The following LRP1B variants were observed in gnomAD, a reference collection of about 807,000 sequenced individuals.
LRP1B encodes LDL receptor related protein 1B.
In LRP1B, 217 loss-of-function variants were observed where a neutral mutation model predicts 556.6. The observed-to-expected ratio is 0.39, with a 90% CI of 0.35 to 0.44. The LOEUF (loss-of-function observed/expected upper bound fraction) is 0.44. LRP1B is among the 20% of genes least tolerant of loss of function. The probability of loss-of-function intolerance (pLI) is 1.00; values close to 1 mark genes in which losing one functional copy is unlikely to be tolerated. For synonymous variants in LRP1B, 2,047 were observed against 1,865.8 expected (o/e 1.10, Z -2.50); for missense variants, 5,053 against 5,620.8 (o/e 0.90, Z 3.23).
chr2:141,100,138 T>C (rs1453404547), intron 7 of LRP1B, among the ~76,000 whole-genome samples: 1 of 152,144 alleles, frequency 6.6e-6, no homozygotes, highest in African/African-American at 2.4e-5. Flanking sequence ...TGACAAGATG[T>C]GAAACCTAAT....
intron 3 of LRP1B, among the ~76,000 whole-genome samples, chr2:141,380,847 A>G (rs1389488714): frequency 6.6e-6 from 1 of 152,094 alleles, no homozygotes; most frequent in Non-Finnish European, 1.5e-5. Flanking sequence ...TAGTCTCTTG[A>G]GGACAAGTAA....
intron 18 of LRP1B, among the ~76,000 whole-genome samples, chr2:140,976,384 C>T (rs1274483953): frequency 1.3e-5 from 2 of 150,128 alleles, no homozygotes; most frequent in Non-Finnish European, 3.0e-5. Context: ...GTACAAGAGA[C>T]AAAATCCTAC....
intron 6 of LRP1B, among the ~76,000 whole-genome samples, chr2:141,204,588 G>T (rs11895588): frequency 0.12 from 18,272 of 152,100 alleles, 1,969 homozygotes; most frequent in African/African-American, 0.29. Context: ...TTGAGATGAG[G>T]AAAGGAGAAC....
At chr2:141,491,253 T>A (rs1359161176) in intron 2 of LRP1B, among the ~76,000 whole-genome samples, 1 of 152,146 alleles carries the variant, frequency 6.6e-6, no homozygotes, top group Non-Finnish European at 1.5e-5. Flanking sequence ...GCTCTTCAAT[T>A]TTCAATTTTT....
At chr2:141,363,311 G>A (rs1205901450) in intron 3 of LRP1B, among the ~76,000 whole-genome samples, 1 of 152,136 alleles carries the variant, frequency 6.6e-6, no homozygotes, top group Non-Finnish European at 1.5e-5. Context: ...TTTCTAAGCT[G>A]AGCTTTAGAA....
chr2:140,550,743 G>T (rs1479900631), intron 43 of LRP1B, among the ~76,000 whole-genome samples: 2 of 152,056 alleles, frequency 1.3e-5, no homozygotes, highest in Non-Finnish European at 2.9e-5. Flanking sequence ...TTCTCGTTTG[G>T]ATTTCTTTAG....
chr2:140,312,630 A>G (rs142220129), intron 83 of LRP1B, among the ~76,000 whole-genome samples: 1 of 152,040 alleles, frequency 6.6e-6, no homozygotes, highest in African/African-American at 2.4e-5. Flanking sequence ...TTATTTTGTC[A>G]AAAGCAAATT....
chr2:140,923,617 G>A (rs1267583807), intron 20 of LRP1B, among the ~76,000 whole-genome samples: 1 of 151,878 alleles, frequency 6.6e-6, no homozygotes, highest in Non-Finnish European at 1.5e-5. Context: ...AAACTAGTAA[G>A]TACTTTCTAA....
At chr2:141,291,021 A>G (rs142922170) in intron 3 of LRP1B, among the ~76,000 whole-genome samples, 270 of 152,216 alleles carry the variant, frequency 1.8e-3, no homozygotes, top group African/African-American at 6.1e-3. Context: ...TCTCATTTCT[A>G]AGGGAAAAAA....
intron 18 of LRP1B, among the ~76,000 whole-genome samples, chr2:140,978,443 A>G (rs1290730259): frequency 6.6e-6 from 1 of 152,218 alleles, no homozygotes. Flanking sequence ...TGATTGCAGC[A>G]TCTTCTGGTA....
At chr2:141,116,079 G>T (rs1350613132) in intron 7 of LRP1B, among the ~76,000 whole-genome samples, 3 of 151,950 alleles carry the variant, frequency 2.0e-5, no homozygotes, top group African/African-American at 4.8e-5. Context: ...CTTATTTAAA[G>T]AATGAGTTCT....
chr2:140,609,876 T>A (rs1037898906), intron 41 of LRP1B, among the ~76,000 whole-genome samples: 2 of 152,132 alleles, frequency 1.3e-5, no homozygotes, highest in African/African-American at 2.4e-5. Flanking sequence ...ATGTATCATA[T>A]CTTTGTCCTG....
intron 41 of LRP1B, 26 bp downstream of exon 41, chr2:140,700,224 A>T: frequency 6.3e-7 from 1 of 1,579,842 alleles, no homozygotes; most frequent in Non-Finnish European, 8.7e-7. Flanking sequence ...ATTTCCACCT[A>T]TTTAAAATTG....
At chr2:140,286,677 C>G (rs949583521) in intron 84 of LRP1B, among the ~76,000 whole-genome samples, 4 of 151,816 alleles carry the variant, frequency 2.6e-5, no homozygotes, top group African/African-American at 9.7e-5. Context: ...TGCAAAAGTT[C>G]ATTCTAAATT....
At chr2:140,291,467 C>T (rs1233753405) in intron 84 of LRP1B, among the ~76,000 whole-genome samples, 1 of 151,378 alleles carries the variant, frequency 6.6e-6, no homozygotes, top group East Asian at 2.0e-4. Flanking sequence ...TCACTCCCCC[C>T]ACCCCACAAC....
chr2:141,999,009 T>C (rs1702581968), intron 1 of LRP1B, among the ~76,000 whole-genome samples: 1 of 152,222 alleles, frequency 6.6e-6, no homozygotes, highest in Admixed American at 6.5e-5. Flanking sequence ...GAGACAGCTT[T>C]GTCGGCCATT....
intron 1 of LRP1B, among the ~76,000 whole-genome samples, chr2:142,035,296 T>C (rs950808143): frequency 1.8e-4 from 27 of 151,770 alleles, no homozygotes; most frequent in African/African-American, 6.5e-4. Flanking sequence ...AGAAACACTA[T>C]GGCGATACTC....
chr2:141,260,268 T>A (rs184033090), intron 3 of LRP1B, among the ~76,000 whole-genome samples: 3 of 152,220 alleles, frequency 2.0e-5, no homozygotes, highest in Admixed American at 6.5e-5. Context: ...TACATCCACA[T>A]TGAATTTGCT....
At chr2:141,792,248 A>G (rs1397453246) in intron 2 of LRP1B, among the ~76,000 whole-genome samples, 1 of 152,012 alleles carries the variant, frequency 6.6e-6, no homozygotes, top group Non-Finnish European at 1.5e-5. Flanking sequence ...AACTAAGAAC[A>G]ATAAAAAAGA....
Sources: gnomAD v4.1 joint callset for allele counts (sites outside exome capture counted in the v4.1 genomes callset) on GRCh38, gnomAD v4.1.1 for gene constraint, MANE v1.5 for transcripts, NCBI Gene and HGNC (gene_info 2026-07-23, HGNC 2026-07-21) for gene names.